TIMM23B: variants seen among roughly 807,000 people sequenced by gnomAD.
The protein encoded by TIMM23B is mitochondrial import inner membrane translocase subunit Tim23B.
TIMM23B carries 27 observed loss-of-function variants against 27.3 expected under a neutral mutation model. The ratio of observed to expected loss-of-function variants is 0.99; its 90% CI spans 0.73 to 1.36. TIMM23B has a LOEUF of 1.36. TIMM23B is among the 40% of genes most tolerant of loss of function. TIMM23B has a pLI of 0.00. For missense variants in TIMM23B, 205 were observed against 244.2 expected (o/e 0.84, Z 1.07); for synonymous variants, 73 against 92.4 (o/e 0.79, Z 1.21).
Position 49,955,042 on chromosome 10 carries a change from A to T in TIMM23B, c.385A>T (p.Asn129Tyr). ...MVTRQGALWA[N>Y]TLGSLALLYS... ...GACTAGGCAAGGGGCACTTTGGGCTAATACTCTAGGTTCTCTGGGTAAGTA... is the reference window on the plus strand; with the variant it reads ...GACTAGGCAAGGGGCACTTTGGGCTTATACTCTAGGTTCTCTGGGTAAGTA... Residue 129 changes from asparagine to tyrosine, a missense_variant, in exon 5 of 7, where the codon AAT becomes TAT. Transcript: ENST00000651259. The T allele has an allele frequency of 1.2e-6, 2 of 1,612,742 alleles. No individual in the cohort carries two copies.
intron 6 of TIMM23B, among the ~76,000 whole-genome samples, chr10:49,970,763 T>C (rs2132069725): frequency 6.6e-6 from 1 of 151,110 alleles, no homozygotes; most frequent in Admixed American, 6.6e-5. Flanking sequence ...GGGGCGCCTC[T>C]GCCCGGCCAC....
intron 4 of TIMM23B, among the ~76,000 whole-genome samples, chr10:49,954,735 T>TATTATC (rs1839658126): frequency 1.4e-5 from 1 of 71,374 alleles, no homozygotes; most frequent in African/African-American, 4.7e-5. Context: ...GAGTTTTCCT[T>TATTATC]ATTATTATTA....
chr10:49,965,165 A>G (rs1589046507), intron 6 of TIMM23B, among the ~76,000 whole-genome samples: 1 of 152,122 alleles, frequency 6.6e-6, no homozygotes, highest in Non-Finnish European at 1.5e-5. Flanking sequence ...GGTTGCGGTG[A>G]GCAGAGATCA....
chr10:49,950,824 G>C (rs1202861380), intron 2 of TIMM23B, among the ~76,000 whole-genome samples: 1 of 152,208 alleles, frequency 6.6e-6, no homozygotes, highest in South Asian at 2.1e-4. Flanking sequence ...TTACAGGCGG[G>C]AGGCACCGTG....
At chr10:49,943,634 G>A (rs1296250158) in intron 1 of TIMM23B, among the ~76,000 whole-genome samples, 9 of 151,152 alleles carry the variant, frequency 6.0e-5, no homozygotes, top group Non-Finnish European at 1.0e-4. Context: ...ATTTGATTAA[G>A]ATTTGAAGGT....
intron 2 of TIMM23B, among the ~76,000 whole-genome samples, chr10:49,950,686 C>T (rs1389292400): frequency 7.2e-5 from 11 of 151,830 alleles, no homozygotes; most frequent in South Asian, 4.2e-4. Context: ...GGACTACAGG[C>T]GCACACTGCC....
At chr10:49,947,596 T>TTA (rs1839394012) in intron 2 of TIMM23B, among the ~76,000 whole-genome samples, 1 of 150,998 alleles carries the variant, frequency 6.6e-6, no homozygotes, top group Non-Finnish European at 1.5e-5. Context: ...GGCAACAGAG[T>TTA]AAGACTCGGT....
intron 6 of TIMM23B, among the ~76,000 whole-genome samples, chr10:49,963,967 AATGAC>A (rs1370744517): frequency 5.9e-5 from 9 of 152,292 alleles, no homozygotes; most frequent in East Asian, 1.9e-4. Flanking sequence ...TCTGGCTCGA[AATGAC>A]ATGACATGAC....
chr10:49,972,882 T>A, intron 6 of TIMM23B, 130 bp from the exon 7 acceptor site: 1 of 714,374 alleles, frequency 1.4e-6, no homozygotes, highest in Admixed American at 2.2e-5. Context: ...ACATGCATGT[T>A]GTAAATTATT....
At chr10:49,947,909 C>CAG (rs1183460395) in intron 2 of TIMM23B, among the ~76,000 whole-genome samples, 1 of 152,054 alleles carries the variant, frequency 6.6e-6, no homozygotes, top group Non-Finnish European at 1.5e-5. Flanking sequence ...GCCTGGGTGA[C>CAG]AGAGAGAGAC....
Position 49,952,172 on chromosome 10 carries a change from G to A in TIMM23B, c.212G>A (p.Gly71Asp). 1.2e-6 allele frequency: 2 copies of A among 1,605,008 alleles called. No homozygotes were observed. The highest frequency in any genetic ancestry group is 1.7e-6 in the Non-Finnish European group (2 of 1,171,658). Residue 71 changes from glycine (G) to aspartate (D), a missense_variant, in exon 3 of 7, where the codon GGC becomes GAC. By Grantham distance (94) the Gly-to-Asp change is moderately conservative. Transcript: ENST00000651259. ...ILPTGANKTW[G>D]RFELAFFTIG... is the part of the protein sequence containing the mutation. ...CCTACCGGAGCTAATAAAACCTGGG[G>A]CAGATTTGAGCTGGCCTTCTTTACG... is the stretch of plus-strand genomic sequence containing the variant.
intron 2 of TIMM23B, among the ~76,000 whole-genome samples, chr10:49,951,406 T>A (rs1384172885): frequency 6.6e-6 from 1 of 152,048 alleles, no homozygotes; most frequent in African/African-American, 2.4e-5. Flanking sequence ...TTTTTTTTTT[T>A]AATCCAACAT....
At chr10:49,969,683 CAA>C in intron 6 of TIMM23B, among the ~76,000 whole-genome samples, 1 of 151,682 alleles carries the variant, frequency 6.6e-6, no homozygotes, top group Non-Finnish European at 1.5e-5. Context: ...GACCCTGTCT[CAA>C]AAAAAGAAAA....
chr10:49,949,057 CT>C (rs1179985131), intron 2 of TIMM23B, among the ~76,000 whole-genome samples: 86 of 145,756 alleles, frequency 5.9e-4, no homozygotes, highest in Non-Finnish European at 6.7e-4. Flanking sequence ...CTGGCTAATT[CT>C]TTTTTTTTTT....
intron 6 of TIMM23B, among the ~76,000 whole-genome samples, chr10:49,972,151 A>C (rs1215423103): frequency 1.8e-4 from 28 of 152,240 alleles, no homozygotes; most frequent in Admixed American, 1.8e-3. Flanking sequence ...CCACTGGCCG[A>C]AGAAGTATTA....
intron 6 of TIMM23B, among the ~76,000 whole-genome samples, chr10:49,972,169 G>T (rs1321071437): frequency 6.6e-6 from 1 of 152,194 alleles, no homozygotes; most frequent in Non-Finnish European, 1.5e-5. Context: ...TTATTTTTCA[G>T]ATATTCTGCT....
intron 6 of TIMM23B, among the ~76,000 whole-genome samples, chr10:49,969,436 CAAAA>C (rs533041097): frequency 1.3e-4 from 10 of 74,740 alleles, no homozygotes; most frequent in Admixed American, 1.6e-4. Context: ...GACCCTGTGT[CAAAA>C]AAAAAAAAAA....
chr10:49,947,573 G>A (rs1212296705), intron 2 of TIMM23B, among the ~76,000 whole-genome samples: 3 of 151,858 alleles, frequency 2.0e-5, no homozygotes, highest in Admixed American at 1.3e-4. Flanking sequence ...CGCACCACCC[G>A]CACTTCAGCC....
chr10:49,970,968 T>C (rs568522633), intron 6 of TIMM23B, among the ~76,000 whole-genome samples: 1 of 152,204 alleles, frequency 6.6e-6, no homozygotes, highest in Non-Finnish European at 1.5e-5. Flanking sequence ...GGAGACTCCA[T>C]TTCGTTCTGT....
Sources: allele counts gnomAD v4.1 joint callset (sites outside exome capture counted in the v4.1 genomes callset), GRCh38; gene constraint gnomAD v4.1.1; transcripts MANE v1.5; gene names NCBI Gene and HGNC (gene_info 2026-07-23, HGNC 2026-07-21).